PNLIP: variants seen among roughly 807,000 people sequenced by gnomAD.
PNLIP encodes the protein pancreatic lipase.
A neutral mutation model predicts 57.1 loss-of-function variants in PNLIP; 49 were observed. The ratio of observed to expected loss-of-function variants is 0.86; its 90% confidence interval spans 0.68 to 1.09. The LOEUF is 1.09. Among genes scored for constraint, PNLIP ranks in the 50% least tolerant of loss-of-function variants. PNLIP has a pLI of 0.00. For synonymous variants in PNLIP, 209 were observed against 200.4 expected (o/e 1.04, Z -0.36); for missense variants, 503 against 570.2 (o/e 0.88, Z 1.20).
At chr10:116,563,015 T>C (rs1847329905) in intron 12 of PNLIP, among the ~76,000 whole-genome samples, 1 of 152,076 alleles carries the variant, frequency 6.6e-6, no homozygotes, top group African/African-American at 2.4e-5. Context: ...CCCAGGTATA[T>C]AAAGAAGCAG....
intron 9 of PNLIP, among the ~76,000 whole-genome samples, chr10:116,556,525 A>G: frequency 6.6e-6 from 1 of 152,246 alleles, no homozygotes; most frequent in East Asian, 1.9e-4. Flanking sequence ...CAATTTCATA[A>G]TGGCCAAAAT....
rs185093665 is a variant in PNLIP, at chr10:116,563,639, A to G, written c.1334+2003A>G. ...TCCCACATAACAGTGAGAACATACGATGTTTGGTTTTCCATTTCTGAGTCA... is the reference window on the plus strand; with the variant it reads ...TCCCACATAACAGTGAGAACATACGGTGTTTGGTTTTCCATTTCTGAGTCA... On this transcript the variant is annotated intron_variant, in intron 12 of 12. Transcript: ENST00000369221. Among the ~76,000 whole-genome samples, 156 of 152,238 alleles carry G rather than the reference A, an allele frequency of 1.0e-3. 3 individuals are homozygous for G. The East Asian group carries it at 0.028, about 27-fold the overall frequency.
rs1847186324 is a variant in PNLIP at position 116,551,152 on chromosome 10, T to C, written c.379T>C (p.Ser127Pro). 1 of 1,612,834 alleles carries C rather than the reference T, an allele frequency of 6.2e-7. No homozygotes were observed. Among genetic ancestry groups the C allele is most frequent in the Admixed American group, 1.7e-5 (1 of 59,914 alleles). Reference sequence around the variant, plus strand: ...TATCTGTGTGGACTGGAAAGGTGGCTCCCGAACTGGATACACACAAGCCTC... The same window carrying C: ...TATCTGTGTGGACTGGAAAGGTGGCCCCCGAACTGGATACACACAAGCCTC... Reference protein sequence around the residue: ...NCICVDWKGGSRTGYTQASQN... With the variant: ...NCICVDWKGGPRTGYTQASQN... The change falls in exon 5 of 13, where the codon TCC (serine) becomes CCC (proline). Residue 127 changes from serine to proline, a missense_variant. Physicochemically the swap from Ser to Pro is moderately conservative, Grantham distance 74. Transcript: ENST00000369221.
chr10:116,548,163 A>G (rs942300303), intron 3 of PNLIP, among the ~76,000 whole-genome samples, 197 bp from the exon 4 acceptor site: 2 of 152,068 alleles, frequency 1.3e-5, no homozygotes, highest in South Asian at 2.1e-4. Flanking sequence ...CCCAAGTTGA[A>G]CAATGGCAAA....
chr10:116,555,103 G>T (rs572852635), intron 6 of PNLIP, 75 bp from the exon 7 acceptor site: 5 of 1,515,204 alleles, frequency 3.3e-6, no homozygotes, highest in Non-Finnish European at 3.7e-6. Context: ...CCCTTTCCAT[G>T]CATAACTCAT....
chr10:116,547,319 C>G lies in PNLIP; in HGVS notation c.72C>G (p.Leu24=). The G allele has an allele frequency of 1.2e-6, 2 of 1,614,044 alleles. No homozygotes were observed. The highest frequency in any genetic ancestry group is 2.2e-5 in the South Asian group (2 of 91,080). ...GAAAAGAAGTTTGCTACGAAAGACT[C>G]GGCTGCTTCAGTGATGACTCCCCAT... The part of the protein sequence containing the change: ...VAGKEVCYER[L]GCFSDDSPWS... The change falls in exon 3 of 13, where the codon CTC becomes CTG. Residue 24 remains leucine, a synonymous_variant. Coordinates refer to ENST00000369221, the MANE Select transcript of PNLIP (RefSeq NM_000936.4).
chr10:116,551,575 A>G (rs559944053), intron 5 of PNLIP, among the ~76,000 whole-genome samples: 7 of 152,346 alleles, frequency 4.6e-5, no homozygotes, highest in Middle Eastern at 3.4e-3. Flanking sequence ...TTGCTTTCTT[A>G]AGAGAAGCAC....
At chr10:116,567,412 T>C (rs962617924) in intron 12 of PNLIP, among the ~76,000 whole-genome samples, 2 of 152,196 alleles carry the variant, frequency 1.3e-5, no homozygotes, top group African/African-American at 4.8e-5. Flanking sequence ...TTTCTTATGA[T>C]GGTGACTCTG....
intron 11 of PNLIP, 49 bp from the exon 12 acceptor site, chr10:116,561,423 A>G (rs1847314102): frequency 2.2e-6 from 3 of 1,384,424 alleles, no homozygotes; most frequent in Middle Eastern, 1.8e-4. Context: ...ATATGTATAT[A>G]TTTACATGTA....
rs573125502 is a variant in PNLIP, at chr10:116,550,835, T to G, written c.325-263T>G. On this transcript the variant is annotated intron_variant, in intron 4 of 12. Transcript: ENST00000369221. ...TTTATACAGTTTATACACTTTTTTC[T>G]TGAACTAAATGTCTCTGTATCTGCT... Among the ~76,000 whole-genome samples, 46 of 152,338 alleles carry G rather than the reference T, an allele frequency of 3.0e-4. No individual in the cohort carries two copies. In the South Asian group the frequency reaches 8.9e-3, roughly 29 times the overall value.
intron 4 of PNLIP, among the ~76,000 whole-genome samples, chr10:116,549,312 C>G (rs1847164110): frequency 6.6e-6 from 1 of 151,926 alleles, no homozygotes; most frequent in Non-Finnish European, 1.5e-5. Context: ...CCCGTCTCTA[C>G]TAAAACTATA....
At chr10:116,565,846 G>A (rs1432561481) in intron 12 of PNLIP, among the ~76,000 whole-genome samples, 3 of 152,066 alleles carry the variant, frequency 2.0e-5, no homozygotes, top group Non-Finnish European at 4.4e-5. Flanking sequence ...GTCTTGCTCT[G>A]TCACCCAGGC....
Position 116,551,241 on chromosome 10 carries a change from T to C in PNLIP, c.459+9T>C. 6.4e-7 allele frequency: 1 copy of C among 1,573,224 alleles called. No individual in the cohort carries two copies. Among genetic ancestry groups the C allele is most frequent in the Non-Finnish European group, 8.6e-7 (1 of 1,158,828 alleles). ...TTGTTGAATTTCTTCAGGTAATTACTCCCGGATTGCATAAAAGCCTGTACA... is the reference window on the plus strand; with the variant it reads ...TTGTTGAATTTCTTCAGGTAATTACCCCCGGATTGCATAAAAGCCTGTACA... On this transcript the variant is annotated intron_variant, in intron 5 of 12. Transcript: ENST00000369221.
At chr10:116,567,707 G>C in intron 12 of PNLIP, 28 bp from the exon 13 acceptor site, 5 of 1,595,410 alleles carry the variant, frequency 3.1e-6, no homozygotes, top group Non-Finnish European at 3.4e-6. Flanking sequence ...GGAAGAGGAG[G>C]TGACTTTGTG....
intron 10 of PNLIP, 104 bp from the exon 11 acceptor site, chr10:116,560,312 T>A: frequency 1.7e-6 from 1 of 602,506 alleles, no homozygotes; most frequent in Non-Finnish European, 3.0e-6. Flanking sequence ...CACACACAAT[T>A]ATAAATAAAT....
In PNLIP at chr10:116,551,146, G is replaced by A. The variant is rs764457647; in HGVS notation, c.373G>A (p.Gly125Ser). ...GAACTGTATCTGTGTGGACTGGAAA[G>A]GTGGCTCCCGAACTGGATACACACA... Reference protein sequence around the residue: ...SVNCICVDWKGGSRTGYTQAS... With the variant: ...SVNCICVDWKSGSRTGYTQAS... Residue 125 changes from glycine (G) to serine (S), a missense_variant, in exon 5 of 13, where the codon GGT becomes AGT. Gly to Ser is a moderately conservative substitution (Grantham distance 56, BLOSUM62 0). Coordinates refer to ENST00000369221, the MANE Select transcript of PNLIP (RefSeq NM_000936.4). 4 of 1,612,658 alleles carry A rather than the reference G, an allele frequency of 2.5e-6. No homozygotes were observed. In the Admixed American group the frequency reaches 6.7e-5, roughly 27 times the overall value.
intron 12 of PNLIP, 101 bp downstream of exon 12, chr10:116,561,737 C>T (rs1190605521): frequency 5.2e-5 from 52 of 1,004,358 alleles, no homozygotes; most frequent in Middle Eastern, 2.9e-4. Flanking sequence ...TACAGGGGAT[C>T]GCCTACATCC....
intron 12 of PNLIP, among the ~76,000 whole-genome samples, chr10:116,564,254 T>A (rs1400341213): frequency 6.6e-6 from 1 of 151,990 alleles, no homozygotes; most frequent in Non-Finnish European, 1.5e-5. Context: ...AATAAAAAAA[T>A]GTTGAAACCC....
Position 116,556,094 on chromosome 10 carries a change from T to G in PNLIP, c.906T>G (p.Cys302Trp). ...VNPDGFAGFPCASYNVFTANK... is the reference protein window; with the variant it reads ...VNPDGFAGFPWASYNVFTANK... ...CTGATGGCTTTGCTGGATTCCCCTGTGCCTCTTACAACGTCTTCACTGCAG... is the reference window on the plus strand; with the variant it reads ...CTGATGGCTTTGCTGGATTCCCCTGGGCCTCTTACAACGTCTTCACTGCAG... Residue 302 changes from cysteine to tryptophan, a missense_variant, in exon 9 of 13, where the codon TGT (cysteine) becomes TGG (tryptophan). Coordinates refer to ENST00000369221, the MANE Select transcript of PNLIP (RefSeq NM_000936.4). 1 of 1,611,312 alleles carries G rather than the reference T, an allele frequency of 6.2e-7. No individual in the cohort carries two copies.
Sources: gnomAD v4.1 joint callset for allele counts (sites outside exome capture counted in the v4.1 genomes callset) on GRCh38, gnomAD v4.1.1 for gene constraint, MANE v1.5 for transcripts, NCBI Gene and HGNC (gene_info 2026-07-23, HGNC 2026-07-21) for gene names.